SLC16A2: variants seen among roughly 807,000 people sequenced by gnomAD.
SLC16A2 encodes the protein solute carrier family 16 member 2.
A neutral mutation model predicts 27.2 loss-of-function variants in SLC16A2; 3 were observed. The ratio of observed to expected loss-of-function variants is 0.11; its 90% CI spans 0.05 to 0.28. The LOEUF is 0.28. Among genes scored for constraint, SLC16A2 ranks in the 10% least tolerant of loss-of-function variants. The pLI, the probability that SLC16A2 is intolerant of heterozygous loss-of-function variation, is 1.00. For missense variants in SLC16A2, 295 were observed against 458.5 expected, an observed-to-expected ratio of 0.64 and a Z score of 3.26; for synonymous variants, 202 against 187.8, an observed-to-expected ratio of 1.08 and a Z score of -0.62.
chrX:74,520,791 C>G (rs1406778932), intron 1 of SLC16A2, among the ~76,000 whole-genome samples, 199 bp from the exon 2 acceptor site: 1 of 111,735 alleles, frequency 8.9e-6, no homozygotes, highest in Non-Finnish European at 1.9e-5. Context: ...TAGTCCAAAT[C>G]TTACCGCAGT....
intron 1 of SLC16A2, among the ~76,000 whole-genome samples, chrX:74,427,799 GTGCACGCGCGCGCACACACA>G (rs1928431608): frequency 3.7e-5 from 3 of 81,481 alleles, no homozygotes; most frequent in Non-Finnish European, 7.0e-5. Context: ...ATGCGCACGC[GTGCACGCGCGCGCACACACA>G]CACACACACA....
intron 1 of SLC16A2, among the ~76,000 whole-genome samples, chrX:74,429,879 C>T (rs1034233343): frequency 2.7e-5 from 3 of 111,708 alleles, no homozygotes; most frequent in African/African-American, 9.8e-5. Flanking sequence ...GGAGGTGTCA[C>T]TAATGCTAGG....
chrX:74,468,125 A>G lies in SLC16A2; in HGVS notation c.430+46058A>G, dbSNP rs1297007092. Reference sequence around the variant, plus strand: ...TTGAGACAAAATTTATTTGCCACACAATTAACCCAACTAAAGTACACAATT... The same window carrying G: ...TTGAGACAAAATTTATTTGCCACACGATTAACCCAACTAAAGTACACAATT... On this transcript the variant is annotated intron_variant, in intron 1 of 5. Coordinates refer to ENST00000587091, the MANE Select transcript of SLC16A2 (RefSeq NM_006517.5). Among the ~76,000 whole-genome samples, 3 of 111,824 alleles carry G rather than the reference A, an allele frequency of 2.7e-5. No individual in the cohort carries two copies. The Admixed American group carries it at 2.9e-4, about 11-fold the overall frequency.
chrX:74,433,261 A>T (rs1244753976), intron 1 of SLC16A2, among the ~76,000 whole-genome samples: 1 of 110,202 alleles, frequency 9.1e-6, no homozygotes, highest in African/African-American at 3.3e-5. Flanking sequence ...AATCCTAGCT[A>T]CTTGGGAGGC....
chrX:74,423,894 G>A (rs1044952964), intron 1 of SLC16A2, among the ~76,000 whole-genome samples: 11 of 111,754 alleles, frequency 9.8e-5, no homozygotes, highest in African/African-American at 3.6e-4. Flanking sequence ...CTAGGCTGAA[G>A]CTAGGCCCTG....
intron 1 of SLC16A2, among the ~76,000 whole-genome samples, chrX:74,515,647 G>GCACACA (rs751936813): frequency 2.5e-4 from 27 of 107,149 alleles, no homozygotes; most frequent in African/African-American, 7.1e-4. Context: ...GCACGTGCAT[G>GCACACA]CACACACACA....
At chrX:74,466,266 C>T (rs1039265795) in intron 1 of SLC16A2, among the ~76,000 whole-genome samples, 1 of 111,386 alleles carries the variant, frequency 9.0e-6, no homozygotes, top group Middle Eastern at 4.6e-3. Context: ...GCTTTTCAGG[C>T]TACAGCATTC....
chrX:74,473,867 C>T, intron 1 of SLC16A2: 1 of 488,347 alleles, frequency 2.0e-6, no homozygotes, highest in Non-Finnish European at 3.7e-6. Context: ...CCATTTTGAG[C>T]CATTTTCAGG....
At chrX:74,502,054 C>A (rs1930047157) in intron 1 of SLC16A2, among the ~76,000 whole-genome samples, 1 of 111,800 alleles carries the variant, frequency 8.9e-6, no homozygotes, top group Non-Finnish European at 1.9e-5. Flanking sequence ...AGACTCTTGT[C>A]TCTTTTGATA....
chrX:74,505,564 C>T (rs1383326754), intron 1 of SLC16A2, among the ~76,000 whole-genome samples: 3 of 112,030 alleles, frequency 2.7e-5, no homozygotes, highest in Non-Finnish European at 5.6e-5. Flanking sequence ...TTGAGATTTC[C>T]TGCAGGCTTT....
intron 1 of SLC16A2, among the ~76,000 whole-genome samples, chrX:74,437,906 C>CA (rs1928655976): frequency 8.9e-6 from 1 of 112,031 alleles, no homozygotes; most frequent in African/African-American, 3.2e-5. Context: ...GGCAATGGCT[C>CA]ATCTGTGTCC....
intron 1 of SLC16A2, among the ~76,000 whole-genome samples, chrX:74,503,458 G>T (rs1182579690): frequency 9.0e-6 from 1 of 111,207 alleles, no homozygotes; most frequent in Admixed American, 9.6e-5. Flanking sequence ...TTGCACCTTC[G>T]TTACAGATCA....
At chrX:74,477,554 T>C (rs1330133044) in intron 1 of SLC16A2, among the ~76,000 whole-genome samples, 2 of 111,950 alleles carry the variant, frequency 1.8e-5, no homozygotes, top group African/African-American at 3.3e-5. Flanking sequence ...GCTTCTCTAG[T>C]TCTTTTAATT....
At chrX:74,461,758 T>G (rs1042552816) in intron 1 of SLC16A2, among the ~76,000 whole-genome samples, 5 of 111,809 alleles carry the variant, frequency 4.5e-5, no homozygotes, top group African/African-American at 1.6e-4. Context: ...ATTTTAAAAA[T>G]TGTAAGGATG....
chrX:74,520,380 G>T (rs1930386843), intron 1 of SLC16A2, among the ~76,000 whole-genome samples: 1 of 111,736 alleles, frequency 8.9e-6, no homozygotes, highest in Admixed American at 9.5e-5. Context: ...AAATAAAAGG[G>T]CAAGTTCCTT....
intron 1 of SLC16A2, among the ~76,000 whole-genome samples, chrX:74,486,251 T>C (rs999736612): frequency 2.7e-5 from 3 of 112,307 alleles, no homozygotes; most frequent in African/African-American, 9.7e-5. Context: ...TAGGAATTCT[T>C]AGTGAGCCTA....
chrX:74,524,965 G>GA (rs1312142612), intron 3 of SLC16A2, among the ~76,000 whole-genome samples, 156 bp downstream of exon 3: 1 of 111,506 alleles, frequency 9.0e-6, no homozygotes, highest in Non-Finnish European at 1.9e-5. Context: ...TCCAGAGAGG[G>GA]AAAAAGAGAG....
chrX:74,442,687 T>C (rs920909637), intron 1 of SLC16A2, among the ~76,000 whole-genome samples: 1 of 112,577 alleles, frequency 8.9e-6, no homozygotes, highest in Admixed American at 9.4e-5. Flanking sequence ...CCAGGCGCAG[T>C]GGCTCACGCC....
intron 1 of SLC16A2, among the ~76,000 whole-genome samples, chrX:74,455,036 G>C: frequency 8.9e-6 from 1 of 111,979 alleles, no homozygotes; most frequent in Admixed American, 9.5e-5. Flanking sequence ...AGAATGCCTG[G>C]GTTCAAATTC....
Sources: allele counts gnomAD v4.1 joint callset (sites outside exome capture counted in the v4.1 genomes callset), GRCh38; gene constraint gnomAD v4.1.1; transcripts MANE v1.5; gene names NCBI Gene and HGNC (gene_info 2026-07-23, HGNC 2026-07-21).